ESRRG: variants seen among roughly 807,000 people sequenced by gnomAD.
The protein encoded by ESRRG is estrogen related receptor gamma, also known as estrogen-related receptor gamma.
In ESRRG, 13 loss-of-function variants were observed where a neutral mutation model predicts 44.0. That is an observed-to-expected ratio of 0.30 (90% CI 0.19 to 0.47). The LOEUF is 0.47. Ranked by LOEUF, ESRRG falls within the 20% of genes least tolerant of loss-of-function variation. The probability of loss-of-function intolerance (pLI) is 1.00; values close to 1 mark genes in which losing one functional copy is unlikely to be tolerated. For synonymous variants in ESRRG, 215 were observed against 214.6 expected, an observed-to-expected ratio of 1.00 and a Z score of -0.02; for missense variants, 395 against 580.6, an observed-to-expected ratio of 0.68 and a Z score of 3.29.
chr1:217,007,149 T>C (rs1277679356), intron 1 of ESRRG, among the ~76,000 whole-genome samples: 1 of 152,130 alleles, frequency 6.6e-6, no homozygotes, highest in African/African-American at 2.4e-5. Flanking sequence ...GCAAAAGGAA[T>C]ATTTCATCAC....
chr1:217,076,894 T>C (rs951849422), intron 1 of ESRRG: 10 of 152,138 alleles, frequency 6.6e-5, no homozygotes, highest in Non-Finnish European at 1.2e-4. Flanking sequence ...CAGAATCACA[T>C]TGGCCGCCCT....
chr1:217,039,280 T>C (rs1396053640), intron 1 of ESRRG, among the ~76,000 whole-genome samples: 1 of 152,190 alleles, frequency 6.6e-6, no homozygotes, highest in Non-Finnish European at 1.5e-5. Flanking sequence ...CATTTTCAGG[T>C]ATATTTTCAG....
chr1:216,833,632 C>G (rs1332835403), intron 2 of ESRRG, among the ~76,000 whole-genome samples: 2 of 152,046 alleles, frequency 1.3e-5, no homozygotes, highest in East Asian at 1.9e-4. Flanking sequence ...CAATAGATAC[C>G]GCTTAAGGCT....
intron 1 of ESRRG, among the ~76,000 whole-genome samples, chr1:217,001,850 T>C (rs1339501669): frequency 1.3e-5 from 2 of 152,136 alleles, no homozygotes; most frequent in African/African-American, 2.4e-5. Flanking sequence ...CAGACTTTTG[T>C]TTTAAAATCT....
At chr1:216,831,292 T>C (rs75846429) in intron 2 of ESRRG, among the ~76,000 whole-genome samples, 1,653 of 152,276 alleles carry the variant, frequency 0.011, 26 homozygotes, top group African/African-American at 0.038. Flanking sequence ...TTAAACTTCA[T>C]CACCTTATTG....
intron 1 of ESRRG, among the ~76,000 whole-genome samples, chr1:216,677,725 A>C (rs1324908153): frequency 1.3e-5 from 2 of 152,224 alleles, no homozygotes; most frequent in African/African-American, 4.8e-5. Context: ...TTCTACAAGA[A>C]GGTAATCAGC....
At chr1:216,671,698 C>G (rs780696102) in intron 2 of ESRRG, among the ~76,000 whole-genome samples, 2 of 152,114 alleles carry the variant, frequency 1.3e-5, no homozygotes, top group Non-Finnish European at 2.9e-5. Flanking sequence ...CTATAATGAA[C>G]ATCTTTTTAA....
chr1:216,909,348 G>A (rs968614496), intron 2 of ESRRG, among the ~76,000 whole-genome samples: 2 of 152,110 alleles, frequency 1.3e-5, no homozygotes, highest in African/African-American at 4.8e-5. Flanking sequence ...CACAGGGAGT[G>A]GCCTGGTGGT....
At chr1:216,912,165 GAAAAGAAAAGAAA>G (rs2060451408) in intron 2 of ESRRG, among the ~76,000 whole-genome samples, 3 of 33,942 alleles carry the variant, frequency 8.8e-5, no homozygotes, top group African/African-American at 5.9e-4. Context: ...GAAAAGAAAA[GAAAAGAAAAGAAA>G]AGAAAAGGAG....
Position 216,840,576 on chromosome 1 carries a change from C to T in ESRRG, c.-14+99006G>A, listed in dbSNP as rs558962758. On this transcript the variant is annotated intron_variant, in intron 2 of 7. Coordinates refer to the ESRRG transcript ENST00000359162. Reference sequence around the variant, plus strand: ...TGGTGCAAGAGACCTAGCTTTTGGCCTGTCTCAGCTTTCGACATGCCTTCC... The same window carrying T: ...TGGTGCAAGAGACCTAGCTTTTGGCTTGTCTCAGCTTTCGACATGCCTTCC... 4.6e-5 allele frequency among the ~76,000 whole-genome samples: 7 copies of T among 152,304 alleles called. No homozygotes were observed. In the East Asian group the frequency reaches 1.4e-3, roughly 29 times the overall value.
chr1:217,113,072 T>G (rs2102467529), intron 1 of ESRRG, among the ~76,000 whole-genome samples: 1 of 152,310 alleles, frequency 6.6e-6, no homozygotes, highest in South Asian at 2.1e-4. Context: ...AGCTGCCCAC[T>G]TAGACTAAAA....
chr1:216,503,353 C>T lies in ESRRG; in HGVS notation c.*3586G>A, dbSNP rs922786710. Reference sequence around the variant, plus strand: ...GATTGGAGTTACAGAATCATATCTCCTTTTTGCATTTAACAATATATACAA... The same window carrying T: ...GATTGGAGTTACAGAATCATATCTCTTTTTTGCATTTAACAATATATACAA... On this transcript the variant is annotated 3_prime_UTR_variant, in exon 7 of 7. Coordinates refer to ENST00000408911, the MANE Select transcript of ESRRG (RefSeq NM_001438.4). 2.0e-5 allele frequency: 3 copies of T among 152,284 alleles called. No homozygotes were observed. Among genetic ancestry groups the T allele is most frequent in the Non-Finnish European group, 2.9e-5 (2 of 67,966 alleles). 9.4% of individuals were successfully genotyped at this position (152,284 alleles called of 1,614,324 possible).
Position 216,842,653 on chromosome 1 carries a change from T to A in ESRRG, c.-14+96929A>T, listed in dbSNP as rs145565695. On this transcript the variant is annotated intron_variant, in intron 2 of 7. Transcript: ENST00000359162. Reference sequence around the variant, plus strand: ...GACTCTAATTAAGTGGTATGTGACATGCTTCTAAGGCAACCCAGCCAAAGA... The same window carrying A: ...GACTCTAATTAAGTGGTATGTGACAAGCTTCTAAGGCAACCCAGCCAAAGA... Among the ~76,000 whole-genome samples the A allele has an allele frequency of 4.0e-4, 61 of 152,296 alleles. No individual in the cohort carries two copies. The East Asian group carries it at 4.8e-3, about 12-fold the overall frequency.
In ESRRG at chr1:216,772,814, T is replaced by G. The variant is rs951292; in HGVS notation, c.-13-95323A>C. On this transcript the variant is annotated intron_variant, in intron 2 of 7. Transcript: ENST00000359162. ...GATTACCCAAAGAGAGGCTAAGAAATGTACTTGGGCAGCTGCAAGTCAGGA... is the reference window on the plus strand; with the variant it reads ...GATTACCCAAAGAGAGGCTAAGAAAGGTACTTGGGCAGCTGCAAGTCAGGA... Among the ~76,000 whole-genome samples the G allele has an allele frequency of 3.6e-3, 553 of 152,056 alleles. 4 individuals carry two copies. The highest frequency in any genetic ancestry group is 0.013 in the African/African-American group (525 of 41,516).
At chr1:216,577,591 T>C (rs1309100853) in intron 3 of ESRRG, among the ~76,000 whole-genome samples, 1 of 151,952 alleles carries the variant, frequency 6.6e-6, no homozygotes, top group African/African-American at 2.4e-5. Flanking sequence ...GAAGCACAAA[T>C]ATTATTTATG....
intron 3 of ESRRG, among the ~76,000 whole-genome samples, chr1:216,617,285 G>T (rs775521157): frequency 2.3e-4 from 35 of 152,002 alleles, no homozygotes; most frequent in Non-Finnish European, 4.3e-4. Context: ...GTGGCTGAAG[G>T]TTATAAATAG....
At position 216,757,652 on chromosome 1, in the gene ESRRG, G is replaced by T. The variant is rs780376797; in HGVS notation, c.-13-80161C>A. ...TTCAACAAAAATCCAAAGGCAAAAA[G>T]CTTGAAGTAGTAAATTTACAATCTA... is the stretch of plus-strand genomic sequence containing the variant. On this transcript the variant is annotated intron_variant, in intron 2 of 7. Transcript: ENST00000359162. Among the ~76,000 whole-genome samples the T allele has an allele frequency of 3.5e-4, 53 of 151,972 alleles. 1 individual carries two copies. Among genetic ancestry groups the T allele is most frequent in the Non-Finnish European group, 7.4e-5 (5 of 67,986 alleles).
intron 1 of ESRRG, among the ~76,000 whole-genome samples, chr1:216,984,373 TA>T (rs2074522134): frequency 6.6e-6 from 1 of 152,146 alleles, no homozygotes; most frequent in Admixed American, 6.5e-5. Context: ...TCCCTAAACA[TA>T]AAAGGGTATT....
intron 3 of ESRRG, among the ~76,000 whole-genome samples, chr1:216,588,505 C>T (rs1208451790): frequency 6.6e-6 from 1 of 152,130 alleles, no homozygotes; most frequent in African/African-American, 2.4e-5. Flanking sequence ...TAGTCATCAG[C>T]ATTTCAAAGA....
Sources: allele counts gnomAD v4.1 joint callset (sites outside exome capture counted in the v4.1 genomes callset), GRCh38; gene constraint gnomAD v4.1.1; transcripts MANE v1.5; gene names NCBI Gene and HGNC (gene_info 2026-07-23, HGNC 2026-07-21).